The following DYNC1H1 variants were observed in gnomAD, a reference collection of about 807,000 sequenced individuals.
DYNC1H1 encodes dynein cytoplasmic 1 heavy chain 1.
DYNC1H1 carries 51 observed loss-of-function variants against 527.1 expected under a neutral mutation model. The observed-to-expected ratio is 0.10, with a 90% confidence interval of 0.08 to 0.12. The LOEUF (loss-of-function observed/expected upper bound fraction) is 0.12. DYNC1H1 is among the 10% of genes least tolerant of loss of function. The pLI, the probability that DYNC1H1 is intolerant of heterozygous loss-of-function variation, is 1.00. For synonymous variants in DYNC1H1, 2,189 were observed against 2,278.8 expected, an observed-to-expected ratio of 0.96 and a Z score of 1.12; for missense variants, 2,771 against 5,971.8, an observed-to-expected ratio of 0.46 and a Z score of 17.66.
In DYNC1H1 at chr14:102,049,704, C is replaced by A. The variant is rs1595637656; in HGVS notation, c.13516-10C>A. 1 of 1,613,904 alleles carries A rather than the reference C, an allele frequency of 6.2e-7. No homozygotes were observed. The highest frequency in any genetic ancestry group is 8.5e-7 in the Non-Finnish European group (1 of 1,180,026). Reference sequence around the variant, plus strand: ...GAGCTCCTTCCCCTGGGGGCTGCTGCTTTCCACAGAACATCCACGTGTGCC... The same window carrying A: ...GAGCTCCTTCCCCTGGGGGCTGCTGATTTCCACAGAACATCCACGTGTGCC... On this transcript the variant is annotated splice_polypyrimidine_tract_variant and intron_variant, in intron 75 of 77. Coordinates refer to ENST00000360184, the MANE Select transcript of DYNC1H1 (RefSeq NM_001376.5). The surrounding 1 kb of genome is among the most constrained non-coding windows in gnomAD (Gnocchi z 5.5).
Position 102,036,695 on chromosome 14 carries a change from T to G in DYNC1H1, c.10908+53T>G. 6.2e-7 allele frequency: 1 copy of G among 1,610,254 alleles called. No individual in the cohort carries two copies. Among genetic ancestry groups the G allele is most frequent in the South Asian group, 1.1e-5 (1 of 90,662 alleles). On this transcript the variant is annotated intron_variant, in intron 57 of 77. Coordinates refer to ENST00000360184, the MANE Select transcript of DYNC1H1 (RefSeq NM_001376.5). The surrounding 1 kb of genome is among the most constrained non-coding windows in gnomAD (Gnocchi z 5.6). ...ACACTGCATTCAAGAGTGAATTCCT[T>G]TTTGGGGGCTGCCTTTAGTTTTCAA...
Position 102,042,513 on chromosome 14 carries a change from T to C in DYNC1H1, c.12399+6T>C. ...CCATGGAGATCAACCCCAAGGTGGG[T>C]GGTTGAAGGAGTGGAGACGTTGCAG... is the stretch of plus-strand genomic sequence containing the variant. On this transcript the variant is annotated splice_donor_region_variant and intron_variant, in intron 68 of 77. Transcript: ENST00000360184. The surrounding 1 kb of genome is among the most constrained non-coding windows in gnomAD (Gnocchi z 5.7). The C allele has an allele frequency of 6.2e-7, 1 of 1,613,832 alleles. No individual in the cohort carries two copies.
chr14:102,048,354 C>A, intron 73 of DYNC1H1, 162 bp from the exon 74 acceptor site: 1 of 1,014,930 alleles, frequency 9.9e-7, no homozygotes, highest in Non-Finnish European at 1.5e-6. Flanking sequence ...CTCAGCTTCA[C>A]ACAAGCTCGG....
Position 102,044,596 on chromosome 14 carries a change from C to T in DYNC1H1, c.12904C>T (p.Arg4302Ter). The T allele has an allele frequency of 6.2e-7, 1 of 1,614,162 alleles. No individual in the cohort carries two copies. The highest frequency in any genetic ancestry group is 8.5e-7 in the Non-Finnish European group (1 of 1,180,032). ...KDIQMPDGIR[R>*]EEFVQWVELL... ...TTTCCAAATGCACTGGTTTTCTAGG[C>T]GAGAGGAGTTTGTGCAGTGGGTGGA... The change falls in exon 72 of 78, where the codon CGA (arginine) becomes TGA (stop). Residue 4302 changes from arginine (R) to a stop codon, truncating the protein, a stop_gained and splice_region_variant. Coordinates refer to ENST00000360184, the MANE Select transcript of DYNC1H1 (RefSeq NM_001376.5). LOFTEE classifies it high-confidence loss of function. This position sits in a 1 kb window ranked among gnomAD's most constrained non-coding sequence, Gnocchi z 7.1.
chr14:101,978,344 T>C (rs1329567457), intron 2 of DYNC1H1, among the ~76,000 whole-genome samples: 1 of 152,216 alleles, frequency 6.6e-6, no homozygotes, highest in African/African-American at 2.4e-5. Flanking sequence ...GCCTAATTTT[T>C]GTATCTTTAG....
At chr14:102,007,860 G>A (rs1027577747) in intron 28 of DYNC1H1, among the ~76,000 whole-genome samples, 1 of 152,226 alleles carries the variant, frequency 6.6e-6, no homozygotes, top group African/African-American at 2.4e-5. Flanking sequence ...CAAGGTGCCA[G>A]CGGGGTTCAG....
chr14:102,049,261 A>T lies in DYNC1H1; in HGVS notation c.13373-179A>T. On this transcript the variant is annotated intron_variant, in intron 74 of 77. Coordinates refer to ENST00000360184, the MANE Select transcript of DYNC1H1 (RefSeq NM_001376.5). This position sits in a 1 kb window ranked among gnomAD's most constrained non-coding sequence, Gnocchi z 5.5. ...GACATGCTCTGGACCAGCCTGAGCT[A>T]GAGCAGATGTGGTGAGGGCGGCGCC... 1 of 790,002 alleles carries T rather than the reference A, an allele frequency of 1.3e-6. No individual in the cohort carries two copies. Among genetic ancestry groups the T allele is most frequent in the Non-Finnish European group, 2.1e-6 (1 of 479,070 alleles). 48.9% of individuals were successfully genotyped at this position (790,002 alleles called of 1,614,324 possible).
Position 101,994,772 on chromosome 14 carries a change from A to G in DYNC1H1, c.3256A>G (p.Ile1086Val), listed in dbSNP as rs1488854310. Residue 1086 changes from isoleucine to valine, a missense_variant, in exon 13 of 78, where the codon ATA (isoleucine) becomes GTA (valine). Physicochemically the swap from Ile to Val is conservative, Grantham distance 29 (BLOSUM62 3). Transcript: ENST00000360184. Reference protein sequence around the residue: ...LNKWQALLVQIRKARGTFDNA... With the variant: ...LNKWQALLVQVRKARGTFDNA... ...CAAATGGCAGGCTCTCCTGGTCCAA[A>G]TAAGGAAGGCCAGAGGAACCTTTGA... 1 of 1,614,248 alleles carries G rather than the reference A, an allele frequency of 6.2e-7. No homozygotes were observed. The highest frequency in any genetic ancestry group is 8.5e-7 in the Non-Finnish European group (1 of 1,180,034).
intron 2 of DYNC1H1, among the ~76,000 whole-genome samples, chr14:101,978,691 A>G (rs1467415374): frequency 7.2e-5 from 11 of 152,198 alleles, no homozygotes; most frequent in East Asian, 3.8e-4. Context: ...TAATTGTAAT[A>G]CTTGTCAAAA....
Position 102,011,883 on chromosome 14 carries a change from G to A in DYNC1H1, c.6627G>A (p.Gln2209=). The change falls in exon 33 of 78, where the codon CAG becomes CAA. Residue 2209 remains glutamine (Q), a synonymous_variant. Coordinates refer to ENST00000360184, the MANE Select transcript of DYNC1H1 (RefSeq NM_001376.5). The surrounding 1 kb of genome is among the most constrained non-coding windows in gnomAD (Gnocchi z 5.3). Reference sequence around the variant, plus strand: ...TCTGTTGGGCCCTGCAGGTTCTCCAGCTCTATCAGATCACCCAGATCAATC... The same window carrying A: ...TCTGTTGGGCCCTGCAGGTTCTCCAACTCTATCAGATCACCCAGATCAATC... ...VGGMWVEKVL[Q]LYQITQINHG... 6.2e-7 allele frequency: 1 copy of A among 1,614,170 alleles called. No individual in the cohort carries two copies. The highest frequency in any genetic ancestry group is 1.1e-5 in the South Asian group (1 of 91,084).
intron 50 of DYNC1H1, 83 bp downstream of exon 50, chr14:102,030,021 G>A (rs2152590300): frequency 4.3e-6 from 7 of 1,611,064 alleles, no homozygotes; most frequent in South Asian, 1.1e-5. Context: ...GTTCCAAATG[G>A]GTCTTAGGGT....
intron 10 of DYNC1H1, among the ~76,000 whole-genome samples, chr14:101,991,310 T>C (rs1441314812): frequency 6.6e-6 from 1 of 152,076 alleles, no homozygotes; most frequent in East Asian, 1.9e-4. Context: ...CCGTCTCTAC[T>C]AAAAATATAT....
At chr14:101,987,061 G>C (rs1341176837) in intron 8 of DYNC1H1, among the ~76,000 whole-genome samples, 1 of 152,236 alleles carries the variant, frequency 6.6e-6, no homozygotes, top group Non-Finnish European at 1.5e-5. Flanking sequence ...AGCAGAGCAG[G>C]CTCTAGGTCT....
At chr14:101,980,151 G>T (rs941340701) in intron 4 of DYNC1H1, among the ~76,000 whole-genome samples, 177 bp downstream of exon 4, 2 of 152,170 alleles carry the variant, frequency 1.3e-5, no homozygotes, top group African/African-American at 2.4e-5. Context: ...ATGGTCAGGG[G>T]ACAGTGTGAG....
chr14:102,032,816 G>A (rs918214432), intron 52 of DYNC1H1: 41 of 573,184 alleles, frequency 7.2e-5, no homozygotes, highest in Middle Eastern at 4.7e-4. Context: ...TCACACCACC[G>A]CACTCCAGCC....
chr14:101,989,306 C>T (rs1370841683), intron 10 of DYNC1H1, among the ~76,000 whole-genome samples: 1 of 152,196 alleles, frequency 6.6e-6, no homozygotes, highest in African/African-American at 2.4e-5. Flanking sequence ...GTGTTCAGAC[C>T]ATGACATTGA....
At chr14:101,998,139 A>G (rs2048085104) in intron 16 of DYNC1H1, among the ~76,000 whole-genome samples, 1 of 152,246 alleles carries the variant, frequency 6.6e-6, no homozygotes, top group Admixed American at 6.5e-5. Flanking sequence ...TCTGGAGAGC[A>G]TATAAATACA....
intron 16 of DYNC1H1, among the ~76,000 whole-genome samples, chr14:101,998,199 C>T (rs1223021191): frequency 2.7e-5 from 4 of 149,494 alleles, no homozygotes; most frequent in Non-Finnish European, 5.9e-5. Context: ...ATAACACAAA[C>T]GCCTGGACCC....
intron 12 of DYNC1H1, 21 bp from the exon 13 acceptor site, chr14:101,994,652 A>C: frequency 6.2e-7 from 1 of 1,613,790 alleles, no homozygotes; most frequent in Non-Finnish European, 8.5e-7. Flanking sequence ...ACTATTATTT[A>C]ACTGTGTTCT....
Sources: gnomAD v4.1 joint callset for allele counts (sites outside exome capture counted in the v4.1 genomes callset) on GRCh38, gnomAD v4.1.1 for gene constraint, Gnocchi (gnomAD v3.1) non-coding constraint, MANE v1.5 for transcripts, NCBI Gene and HGNC (gene_info 2026-07-23, HGNC 2026-07-21) for gene names.